CCDC88A: variants seen among roughly 807,000 people sequenced by gnomAD.
The protein encoded by CCDC88A is girdin.
CCDC88A carries 54 observed loss-of-function variants against 234.3 expected under a neutral mutation model. That is an observed-to-expected ratio of 0.23 (90% CI 0.19 to 0.29). CCDC88A has a LOEUF of 0.29. Among genes scored for constraint, CCDC88A ranks in the 10% least tolerant of loss-of-function variants. The pLI is 1.00. For missense variants in CCDC88A, 1,832 were observed against 2,123.4 expected, an observed-to-expected ratio of 0.86 and a Z score of 2.70; for synonymous variants, 753 against 737.8, an observed-to-expected ratio of 1.02 and a Z score of -0.33.
chr2:55,414,253 T>A (rs146478624), intron 2 of CCDC88A, among the ~76,000 whole-genome samples: 1 of 152,326 alleles, frequency 6.6e-6, no homozygotes, highest in African/African-American at 2.4e-5. Flanking sequence ...TTTAGGAGTA[T>A]GAAATTAACT....
At chr2:55,397,382 A>G (rs968862606) in intron 2 of CCDC88A, 4 of 152,208 alleles carry the variant, frequency 2.6e-5, no homozygotes, top group African/African-American at 9.6e-5. Context: ...AGCGTAAGCC[A>G]CCGTGTCCAA....
At chr2:55,297,205 C>T (rs897625196) in intron 29 of CCDC88A, 1 of 137,090 alleles carries the variant, frequency 7.3e-6, no homozygotes, top group African/African-American at 2.8e-5. Flanking sequence ...AAATGCCTCA[C>T]AATTTAGGAT....
At position 55,419,273 on chromosome 2, in the gene CCDC88A, T is replaced by C. The variant is rs1203968498; in HGVS notation, c.-194A>G. ...TGAAACGAGCCGAAATCCCAAGAAG[T>C]GGCTTCGACGACGGACACCACGAGC... On this transcript the variant is annotated 5_prime_UTR_variant, in exon 1 of 33. Coordinates refer to ENST00000436346, the MANE Select transcript of CCDC88A (RefSeq NM_001365480.1). 4 of 554,598 alleles carry C rather than the reference T, an allele frequency of 7.2e-6. No individual in the cohort carries two copies. Among genetic ancestry groups the C allele is most frequent in the African/African-American group, 1.9e-5 (1 of 52,614 alleles). The allele number at this position is 554,598 out of a possible 1,614,324, so 34.4% of individuals were successfully genotyped here.
chr2:55,343,820 GA>G, intron 11 of CCDC88A, 28 bp from the exon 12 acceptor site: 1 of 1,540,976 alleles, frequency 6.5e-7, no homozygotes, highest in Admixed American at 2.0e-5. Context: ...ATTAGGGAGA[GA>G]AAAAAGCTAA....
chr2:55,334,770 T>C lies in CCDC88A; in HGVS notation c.2051A>G (p.Asn684Ser). 6.2e-7 allele frequency: 1 copy of C among 1,605,146 alleles called. No individual in the cohort carries two copies. Among genetic ancestry groups the C allele is most frequent in the Non-Finnish European group, 8.5e-7 (1 of 1,176,892 alleles). The change falls in exon 15 of 33, where the codon AAT (asparagine) becomes AGT (serine). Residue 684 changes from asparagine (N) to serine (S), a missense_variant. Physicochemically the swap from Asn to Ser is conservative, Grantham distance 46. This residue lies in a region of CCDC88A where 1,282 missense variants were observed against 1,543.6 expected (regional missense o/e 0.83). Coordinates refer to ENST00000436346, the MANE Select transcript of CCDC88A (RefSeq NM_001365480.1). This position sits in a 1 kb window ranked among gnomAD's most constrained non-coding sequence, Gnocchi z 6.1. The part of the protein sequence containing the change: ...KLKKTLDSFK[N>S]LTFQLESLEK... ...TAGGGATTCTAACTGAAAGGTCAGATTTTTAAAGCTATCCAATGTTTTTTT... is the reference window on the plus strand; with the variant it reads ...TAGGGATTCTAACTGAAAGGTCAGACTTTTAAAGCTATCCAATGTTTTTTT...
intron 28 of CCDC88A, 82 bp from the exon 29 acceptor site, chr2:55,300,001 G>A: frequency 1.0e-6 from 1 of 964,576 alleles, no homozygotes; most frequent in Non-Finnish European, 1.7e-6. Flanking sequence ...ATTACAGAAT[G>A]CTTTGAGGAA....
chr2:55,383,356 T>C (rs1265579236), intron 3 of CCDC88A, among the ~76,000 whole-genome samples: 1 of 152,042 alleles, frequency 6.6e-6, no homozygotes, highest in Non-Finnish European at 1.5e-5. Flanking sequence ...CGGTGGCTCA[T>C]GCCTGTAGTC....
In CCDC88A at chr2:55,332,430, T is replaced by C; in HGVS notation, c.2855+136A>G. ...AGCCACCGCACCCGGCTACAGAACT[T>C]TCCTTAAGGGAAGGAAGGAACCAGA... is the stretch of plus-strand genomic sequence containing the variant. On this transcript the variant is annotated intron_variant, in intron 16 of 32. Coordinates refer to ENST00000436346, the MANE Select transcript of CCDC88A (RefSeq NM_001365480.1). The surrounding 1 kb of genome is among the most constrained non-coding windows in gnomAD (Gnocchi z 4.5). 1 of 1,358,942 alleles carries C rather than the reference T, an allele frequency of 7.4e-7. No individual in the cohort carries two copies. Among genetic ancestry groups the C allele is most frequent in the Non-Finnish European group, 9.5e-7 (1 of 1,055,260 alleles). 84.2% of individuals were successfully genotyped at this position (1,358,942 alleles called of 1,614,324 possible). A position where few individuals can be genotyped will look rare whatever the true frequency, so the allele number is the denominator to read the frequency against.
chr2:55,392,407 CA>C lies in CCDC88A; in HGVS notation c.165-3522del, dbSNP rs538917007. Among the ~76,000 whole-genome samples the C allele has an allele frequency of 2.2e-3, 331 of 152,322 alleles. 2 individuals are homozygous for C. The highest frequency in any genetic ancestry group is 7.8e-3 in the African/African-American group (324 of 41,576). Reference sequence around the variant, plus strand: ...TTTGACTGAAATTGCACTCAATCTACAAATTTATTAAGAATAAACTGACAGC... The same window carrying C: ...TTTGACTGAAATTGCACTCAATCTACAATTTATTAAGAATAAACTGACAGC... On this transcript the variant is annotated intron_variant, in intron 2 of 32. Coordinates refer to ENST00000436346, the MANE Select transcript of CCDC88A (RefSeq NM_001365480.1).
intron 2 of CCDC88A, among the ~76,000 whole-genome samples, chr2:55,395,836 A>C (rs1316164044): frequency 6.6e-6 from 1 of 152,202 alleles, no homozygotes; most frequent in Non-Finnish European, 1.5e-5. Context: ...TTATTGCAAG[A>C]AAATAGTGAA....
At chr2:55,396,919 C>T (rs1677693870) in intron 2 of CCDC88A, among the ~76,000 whole-genome samples, 1 of 147,870 alleles carries the variant, frequency 6.8e-6, no homozygotes, top group South Asian at 2.2e-4. Context: ...TTTTCTAAAA[C>T]CCGAGTGTAC....
At chr2:55,403,148 A>C (rs1217664959) in intron 2 of CCDC88A, among the ~76,000 whole-genome samples, 2 of 152,242 alleles carry the variant, frequency 1.3e-5, no homozygotes, top group African/African-American at 4.8e-5. Flanking sequence ...TTTTCCCTGA[A>C]GTGACAGGCT....
chr2:55,294,375 T>C (rs1032695981), intron 31 of CCDC88A: 7 of 970,808 alleles, frequency 7.2e-6, no homozygotes, highest in Non-Finnish European at 8.6e-6. Flanking sequence ...ACATTTAAAT[T>C]TGATGGGGTT....
intron 10 of CCDC88A, among the ~76,000 whole-genome samples, chr2:55,345,148 C>T (rs1668939386): frequency 6.6e-6 from 1 of 152,028 alleles, no homozygotes. Flanking sequence ...CATGAGAATC[C>T]CTTAACAGTG....
intron 2 of CCDC88A, among the ~76,000 whole-genome samples, chr2:55,413,595 T>A (rs1002952084): frequency 3.3e-5 from 5 of 152,208 alleles, no homozygotes; most frequent in African/African-American, 4.8e-5. Context: ...AAGAATGTAC[T>A]GTGTGTCAAA....
In CCDC88A at chr2:55,322,637, T is replaced by C. The variant is rs751896167; in HGVS notation, c.3053A>G (p.Gln1018Arg). 6.3e-7 allele frequency: 1 copy of C among 1,595,534 alleles called. No individual in the cohort carries two copies. Among genetic ancestry groups the C allele is most frequent in the African/African-American group, 1.3e-5 (1 of 74,542 alleles). The part of the protein sequence containing the change: ...KQRQDEERMV[Q>R]SSPPISGEDN... The stretch of plus-strand genomic sequence containing the variant: ...TTCACCAGATATTGGAGGAGAGCTC[T>C]GTACCATCCTTTCCTCATCTTGTCT... Residue 1018 changes from glutamine to arginine, a missense_variant, in exon 18 of 33, where the codon CAG (glutamine) becomes CGG (arginine). By Grantham distance (43) the Gln-to-Arg change is conservative (BLOSUM62 1). Around this residue, in one of 6 missense-constraint regions of CCDC88A, gnomAD observed 1,282 missense variants for 1,543.6 expected, o/e 0.83. Transcript: ENST00000436346.
At chr2:55,320,666 A>G (rs1422875731) in intron 18 of CCDC88A, among the ~76,000 whole-genome samples, 1 of 152,228 alleles carries the variant, frequency 6.6e-6, no homozygotes, top group African/African-American at 2.4e-5. Flanking sequence ...GCCAATAAAT[A>G]TATGAAAGAT....
At chr2:55,397,711 C>T (rs12476508) in intron 2 of CCDC88A, among the ~76,000 whole-genome samples, 76,800 of 151,842 alleles carry the variant, frequency 0.51, 21,498 homozygotes, top group Admixed American at 0.63. Flanking sequence ...GTTAATGCTT[C>T]TTCTTAAATT....
chr2:55,412,682 G>C (rs953441712), intron 2 of CCDC88A, among the ~76,000 whole-genome samples: 2 of 152,106 alleles, frequency 1.3e-5, no homozygotes, highest in Non-Finnish European at 2.9e-5. Context: ...CTGCCAAAAA[G>C]GTTGGGGACC....
Sources: allele counts gnomAD v4.1 joint callset (sites outside exome capture counted in the v4.1 genomes callset), GRCh38; gene constraint gnomAD v4.1.1; regional missense constraint gnomAD v4.1.1; non-coding constraint Gnocchi (gnomAD v3.1); transcripts MANE v1.5; gene names NCBI Gene and HGNC (gene_info 2026-07-23, HGNC 2026-07-21).